The following TDP2 variants were observed in gnomAD, a reference collection of about 807,000 sequenced individuals.
The protein encoded by TDP2 is 5'-Tyr-DNA phosphodiesterase.
TDP2 carries 38 observed loss-of-function variants against 42.8 expected under a neutral mutation model. That is an observed-to-expected ratio of 0.89 (90% confidence interval 0.68 to 1.16). The LOEUF is 1.16. Among genes scored for constraint, TDP2 ranks in the 50% most tolerant of loss-of-function variants. The pLI is 0.00. For synonymous variants in TDP2, 173 were observed against 150.6 expected (o/e 1.15, Z -1.09); for missense variants, 439 against 439.3 (o/e 1.00, Z 0.01).
At chr6:24,664,393 T>A (rs116596225) in intron 2 of TDP2, among the ~76,000 whole-genome samples, 60 of 150,252 alleles carry the variant, frequency 4.0e-4, no homozygotes, top group Non-Finnish European at 2.8e-4. Context: ...GAAATTAGAA[T>A]CTCTGGTTTT....
rs770016841 is a variant in TDP2 at position 24,650,943 on chromosome 6, T to C, written c.934A>G (p.Lys312Glu). 1.2e-6 allele frequency: 2 copies of C among 1,614,188 alleles called. No individual in the cohort carries two copies. The highest frequency in any genetic ancestry group is 1.7e-6 in the Non-Finnish European group (2 of 1,180,030). Residue 312 changes from lysine (K) to glutamate (E), a missense_variant, in exon 7 of 7, where the codon AAA (lysine) becomes GAA (glutamate). Coordinates refer to ENST00000378198, the MANE Select transcript of TDP2 (RefSeq NM_016614.3). ...NSNLGITAAC[K>E]LRFDRIFFRA... ...AAAAATATTCGATCAAAACGAAGTT[T>C]ACAAGCAGCAGTTATTCCAAGATTA...
At chr6:24,655,640 G>T (rs1035913737) in intron 4 of TDP2, among the ~76,000 whole-genome samples, 1 of 152,056 alleles carries the variant, frequency 6.6e-6, no homozygotes, top group African/African-American at 2.4e-5. Flanking sequence ...CACAGGGAGG[G>T]GCATGCATGT....
In TDP2 at chr6:24,659,639, T is replaced by A. The variant is rs933076499; in HGVS notation, c.252-905A>T. ...GACTCAGAAACGTAGGATTTCTAAA[T>A]CTTTTTGGAATTTTTTAAAATCATA... On this transcript the variant is annotated intron_variant, in intron 2 of 6. Transcript: ENST00000378198. Among the ~76,000 whole-genome samples the A allele has an allele frequency of 1.5e-4, 23 of 152,218 alleles. 1 individual carries two copies. Among genetic ancestry groups the A allele is most frequent in the East Asian group, 3.8e-4 (2 of 5,204 alleles).
intron 4 of TDP2, among the ~76,000 whole-genome samples, chr6:24,655,154 T>C (rs904956462): frequency 1.3e-5 from 2 of 152,152 alleles, no homozygotes; most frequent in African/African-American, 4.8e-5. Context: ...GTAGATGAGA[T>C]GAACTGTGGC....
chr6:24,650,501 T>C lies in TDP2; in HGVS notation c.*287A>G. 2.7e-6 allele frequency: 1 copy of C among 372,312 alleles called. No individual in the cohort carries two copies. Among genetic ancestry groups the C allele is most frequent in the Non-Finnish European group, 4.8e-6 (1 of 206,534 alleles). The allele number at this position is 372,312 out of a possible 1,614,324, so 23.1% of individuals were successfully genotyped here. On this transcript the variant is annotated 3_prime_UTR_variant, in exon 7 of 7. Transcript: ENST00000378198. ...AATATAAACATTAGCTCAGAGACAA[T>C]GTGGTACCTGTTTGGAATCCAGCTG...
chr6:24,650,714 A>G lies in TDP2; in HGVS notation c.*74T>C. 6.7e-7 allele frequency: 1 copy of G among 1,488,430 alleles called. No homozygotes were observed. Among genetic ancestry groups the G allele is most frequent in the Non-Finnish European group, 9.2e-7 (1 of 1,090,666 alleles). The allele number at this position is 1,488,430 out of a possible 1,614,324, so 92.2% of individuals were successfully genotyped here. A position where few individuals can be genotyped will look rare whatever the true frequency, so the allele number is the denominator to read the frequency against. ...TGATCTAGTACATTATTTCCTCCAC[A>G]GCAAACCTACCTTTCCAGAAGGTGG... On this transcript the variant is annotated 3_prime_UTR_variant, in exon 7 of 7. Transcript: ENST00000378198.
chr6:24,666,295 C>T (rs1459993281), intron 2 of TDP2: 4 of 1,532,430 alleles, frequency 2.6e-6, no homozygotes. Context: ...TCTTTTCCTC[C>T]CTGGACCCCA....
intron 5 of TDP2, among the ~76,000 whole-genome samples, chr6:24,653,832 C>T (rs1778015462): frequency 6.6e-6 from 1 of 152,198 alleles, no homozygotes; most frequent in South Asian, 2.1e-4. Flanking sequence ...CCTCTTGCAA[C>T]TTGCAAAAGT....
chr6:24,659,645 T>C (rs1183415965), intron 2 of TDP2, among the ~76,000 whole-genome samples: 1 of 152,236 alleles, frequency 6.6e-6, no homozygotes, highest in Non-Finnish European at 1.5e-5. Context: ...TAAATCTTTT[T>C]GGAATTTTTT....
At chr6:24,658,005 T>C (rs1778084530) in intron 3 of TDP2, 102 bp from the exon 4 acceptor site, 1 of 701,318 alleles carries the variant, frequency 1.4e-6, no homozygotes, top group African/African-American at 1.9e-5. Context: ...CAAAAAACCC[T>C]CTAGGGCACC....
chr6:24,651,367 A>G (rs930457669), intron 6 of TDP2, among the ~76,000 whole-genome samples: 2 of 152,186 alleles, frequency 1.3e-5, no homozygotes, highest in African/African-American at 4.8e-5. Flanking sequence ...TACTGCTGTT[A>G]TCTGTTTTCA....
intron 3 of TDP2, 52 bp downstream of exon 3, chr6:24,658,508 AC>A: frequency 7.0e-7 from 1 of 1,423,728 alleles, no homozygotes. Flanking sequence ...TTGAACTGTT[AC>A]TTTGTATATA....
At chr6:24,663,161 C>T (rs1778182059) in intron 2 of TDP2, among the ~76,000 whole-genome samples, 1 of 152,160 alleles carries the variant, frequency 6.6e-6, no homozygotes, top group African/African-American at 2.4e-5. Flanking sequence ...ACTTACTGAG[C>T]TCTATATGCC....
intron 2 of TDP2, chr6:24,666,207 A>G (rs574368040): frequency 5.8e-6 from 9 of 1,549,990 alleles, no homozygotes; most frequent in African/African-American, 5.5e-5. Context: ...TTTCGATAGA[A>G]GGTTTAGCCT....
At chr6:24,654,725 A>C (rs542236757) in intron 4 of TDP2, among the ~76,000 whole-genome samples, 195 bp from the exon 5 acceptor site, 1 of 152,304 alleles carries the variant, frequency 6.6e-6, no homozygotes, top group African/African-American at 2.4e-5. Flanking sequence ...AATTTTAGCT[A>C]GAAGCTTAGA....
intron 2 of TDP2, among the ~76,000 whole-genome samples, chr6:24,661,201 T>G (rs888098319): frequency 1.3e-5 from 2 of 152,226 alleles, no homozygotes; most frequent in Admixed American, 6.5e-5. Context: ...AAATGAAGAT[T>G]TTTTTCTAAT....
chr6:24,664,591 C>T (rs911348590), intron 2 of TDP2, among the ~76,000 whole-genome samples: 5 of 152,130 alleles, frequency 3.3e-5, no homozygotes, highest in Non-Finnish European at 2.9e-5. Flanking sequence ...GAGATTCCTG[C>T]GCCATTCATT....
At chr6:24,654,274 T>C in intron 5 of TDP2, 138 bp downstream of exon 5, 1 of 464,610 alleles carries the variant, frequency 2.2e-6, no homozygotes, top group Non-Finnish European at 3.8e-6. Context: ...TTTTAGAGAG[T>C]GTTAAAGACT....
chr6:24,664,747 G>T (rs1378753783), intron 2 of TDP2, among the ~76,000 whole-genome samples: 2 of 152,058 alleles, frequency 1.3e-5, no homozygotes, highest in Admixed American at 6.6e-5. Flanking sequence ...GCTGAAGTTT[G>T]CCCCTTCCCC....
Sources: gnomAD v4.1 joint callset for allele counts (sites outside exome capture counted in the v4.1 genomes callset) on GRCh38, gnomAD v4.1.1 for gene constraint, MANE v1.5 for transcripts, NCBI Gene and HGNC (gene_info 2026-07-23, HGNC 2026-07-21) for gene names.